FMNL2: variants seen among roughly 807,000 people sequenced by gnomAD.
FMNL2 encodes formin-like protein 2.
FMNL2 carries 51 observed loss-of-function variants against 130.2 expected under a neutral mutation model. The observed-to-expected ratio is 0.39, with a 90% CI of 0.31 to 0.49. The LOEUF (loss-of-function observed/expected upper bound fraction) is 0.49. Among genes scored for constraint, FMNL2 ranks in the 20% least tolerant of loss-of-function variants. The probability of loss-of-function intolerance (pLI) is 0.85; values close to 1 mark genes in which losing one functional copy is unlikely to be tolerated. For missense variants in FMNL2, 977 were observed against 1,316.2 expected (o/e 0.74, Z 3.99); for synonymous variants, 465 against 467.1 (o/e 1.00, Z 0.06).
intron 1 of FMNL2, among the ~76,000 whole-genome samples, chr2:152,491,929 C>A (rs1310227153): frequency 6.6e-6 from 1 of 151,916 alleles, no homozygotes; most frequent in Admixed American, 6.6e-5. Context: ...CCAGCCTGGG[C>A]GACAGAGTGA....
At chr2:152,577,541 T>C (rs1291821798) in intron 7 of FMNL2, among the ~76,000 whole-genome samples, 2 of 151,964 alleles carry the variant, frequency 1.3e-5, no homozygotes, top group East Asian at 3.9e-4. Context: ...GACTGAGAAG[T>C]AAAGAAGTCC....
At chr2:152,598,796 C>T (rs1355891425) in intron 9 of FMNL2, among the ~76,000 whole-genome samples, 1 of 152,170 alleles carries the variant, frequency 6.6e-6, no homozygotes, top group East Asian at 1.9e-4. Context: ...ACAGAGACAA[C>T]AGGACATCTA....
chr2:152,571,881 C>T (rs572035965), intron 6 of FMNL2, among the ~76,000 whole-genome samples: 41 of 132,382 alleles, frequency 3.1e-4, no homozygotes, highest in African/African-American at 8.7e-4. Context: ...TAATTGGTGA[C>T]GGATTACTGC....
At chr2:152,505,477 A>G (rs1692114005) in intron 1 of FMNL2, among the ~76,000 whole-genome samples, 1 of 152,352 alleles carries the variant, frequency 6.6e-6, no homozygotes, top group East Asian at 1.9e-4. Context: ...CTTTTCTTGT[A>G]ATATTTTCTT....
intron 1 of FMNL2, among the ~76,000 whole-genome samples, chr2:152,415,656 G>A (rs1482269237): frequency 6.6e-6 from 1 of 152,144 alleles, no homozygotes; most frequent in African/African-American, 2.4e-5. Flanking sequence ...TCTGAACTAT[G>A]CTATAGTTGG....
chr2:152,480,633 TAAAA>T (rs58943356), intron 1 of FMNL2, among the ~76,000 whole-genome samples: 1,068 of 37,250 alleles, frequency 0.029, 21 homozygotes, highest in African/African-American at 0.077. Context: ...AGACTCTGTC[TAAAA>T]AAAAAAAAAA....
At chr2:152,376,539 A>G (rs555184273) in intron 1 of FMNL2, among the ~76,000 whole-genome samples, 3 of 152,300 alleles carry the variant, frequency 2.0e-5, no homozygotes, top group Admixed American at 1.3e-4. Context: ...TGAGCCAGGG[A>G]TGTCTCAGGA....
chr2:152,422,152 A>C (rs1686956146), intron 1 of FMNL2, among the ~76,000 whole-genome samples: 1 of 152,234 alleles, frequency 6.6e-6, no homozygotes, highest in African/African-American at 2.4e-5. Context: ...GTTCAGGGAA[A>C]GTACTTGCCT....
intron 17 of FMNL2, 130 bp from the exon 18 acceptor site, chr2:152,628,169 T>TC: frequency 1.3e-6 from 1 of 757,642 alleles, no homozygotes; most frequent in South Asian, 1.8e-5. Flanking sequence ...AATCTTAGAC[T>TC]CGTTGATTTG....
At chr2:152,587,175 G>A (rs2105753348) in intron 9 of FMNL2, among the ~76,000 whole-genome samples, 1 of 152,366 alleles carries the variant, frequency 6.6e-6, no homozygotes, top group Admixed American at 6.5e-5. Flanking sequence ...ACCATTCAAA[G>A]AGCCAGAGGC....
chr2:152,604,768 G>A (rs1451855779), intron 9 of FMNL2, among the ~76,000 whole-genome samples: 1 of 151,904 alleles, frequency 6.6e-6, no homozygotes, highest in Non-Finnish European at 1.5e-5. Context: ...GCTAATTTTT[G>A]TATTTTTAGT....
chr2:152,425,541 ATGAT>A (rs1420310719), intron 1 of FMNL2, among the ~76,000 whole-genome samples: 1 of 152,226 alleles, frequency 6.6e-6, no homozygotes, highest in Non-Finnish European at 1.5e-5. Context: ...ATAAAAATAA[ATGAT>A]TGGTAGTCCT....
intron 1 of FMNL2, among the ~76,000 whole-genome samples, chr2:152,478,250 ATTTTTTT>A (rs869219736): frequency 1.3e-4 from 12 of 92,134 alleles, no homozygotes; most frequent in African/African-American, 5.2e-4. Context: ...ATATATATAT[ATTTTTTT>A]TTTTTTTTTT....
intron 1 of FMNL2, among the ~76,000 whole-genome samples, chr2:152,496,868 A>G (rs776978258): frequency 2.7e-5 from 4 of 148,366 alleles, no homozygotes; most frequent in Non-Finnish European, 4.5e-5. Flanking sequence ...CCAATTTCTT[A>G]CTTTTGGTAC....
intron 9 of FMNL2, among the ~76,000 whole-genome samples, chr2:152,591,982 A>G (rs1341361032): frequency 6.6e-6 from 1 of 151,894 alleles, no homozygotes; most frequent in African/African-American, 2.4e-5. Context: ...ACGTGCCTGT[A>G]GTCCCAGCTA....
intron 1 of FMNL2, among the ~76,000 whole-genome samples, chr2:152,416,123 T>TGAGTA (rs70974860): frequency 0.31 from 47,265 of 151,640 alleles, 7,965 homozygotes; most frequent in Middle Eastern, 0.45. Context: ...GAGAGACTGG[T>TGAGTA]GAGTAGAGGG....
chr2:152,436,431 T>C (rs1413097724), intron 1 of FMNL2, among the ~76,000 whole-genome samples: 1 of 151,942 alleles, frequency 6.6e-6, no homozygotes, highest in African/African-American at 2.4e-5. Flanking sequence ...ATGTGAGCCA[T>C]CTCTCCTGAC....
chr2:152,368,959 A>G (rs1164197421), intron 1 of FMNL2, among the ~76,000 whole-genome samples: 4 of 152,168 alleles, frequency 2.6e-5, no homozygotes, highest in Non-Finnish European at 5.9e-5. Flanking sequence ...CATCAGGGTT[A>G]TATCTGAATC....
At chr2:152,566,786 G>A (rs143251183) in intron 6 of FMNL2, among the ~76,000 whole-genome samples, 1,915 of 152,216 alleles carry the variant, frequency 0.013, 12 homozygotes, top group Non-Finnish European at 0.015. Context: ...CTAACAATAC[G>A]GAAATGTAGA....
Sources: allele counts gnomAD v4.1 joint callset (sites outside exome capture counted in the v4.1 genomes callset), GRCh38; gene constraint gnomAD v4.1.1; transcripts MANE v1.5; gene names NCBI Gene and HGNC (gene_info 2026-07-23, HGNC 2026-07-21).